GALNT18: variants seen among roughly 807,000 people sequenced by gnomAD.
GALNT18 encodes GalNAc-transferase 18.
Under a neutral mutation model 69.5 loss-of-function variants are expected in GALNT18, and 44 were observed. That is an observed-to-expected ratio of 0.63 (90% CI 0.50 to 0.81). GALNT18 has a LOEUF of 0.81. Among genes scored for constraint, GALNT18 ranks in the 40% least tolerant of loss-of-function variants. GALNT18 has a pLI of 0.00. For synonymous variants in GALNT18, 364 were observed against 318.2 expected (o/e 1.14, Z -1.53); for missense variants, 715 against 810.0 (o/e 0.88, Z 1.42).
In GALNT18 at chr11:11,618,410, G is replaced by GT. The variant is rs565569449; in HGVS notation, c.235+2948dup. ...TGTCCTGCATGTTCAGTAAACATTAGTTAAAGGACTGGAACCTCTGCCTCT... is the reference window on the plus strand; with the variant it reads ...TGTCCTGCATGTTCAGTAAACATTAGTTTAAAGGACTGGAACCTCTGCCTCT... On this transcript the variant is annotated intron_variant, in intron 1 of 10. Coordinates refer to ENST00000227756, the MANE Select transcript of GALNT18 (RefSeq NM_198516.3). This position sits in a 1 kb window ranked among gnomAD's most constrained non-coding sequence, Gnocchi z 6.1. Among the ~76,000 whole-genome samples, 17 of 152,352 alleles carry GT rather than the reference G, an allele frequency of 1.1e-4. No homozygotes were observed. In the East Asian group the frequency reaches 3.3e-3, roughly 29 times the overall value.
chr11:11,498,742 T>G (rs1026420592), intron 1 of GALNT18, among the ~76,000 whole-genome samples: 4 of 152,046 alleles, frequency 2.6e-5, no homozygotes, highest in Non-Finnish European at 5.9e-5. Flanking sequence ...GAGGTTGCAA[T>G]GAGCCAAGAT....
At chr11:11,363,539 T>C (rs1589939346) in intron 6 of GALNT18, among the ~76,000 whole-genome samples, 1 of 152,326 alleles carries the variant, frequency 6.6e-6, no homozygotes, top group East Asian at 1.9e-4. Flanking sequence ...ACCTATGTTG[T>C]TGTCATTAAG....
chr11:11,348,244 G>T lies in GALNT18; in HGVS notation c.1093-7240C>A, dbSNP rs530557918. 8.5e-5 allele frequency among the ~76,000 whole-genome samples: 13 copies of T among 152,208 alleles called. No homozygotes were observed. In the South Asian group the frequency reaches 2.5e-3, roughly 29 times the overall value. On this transcript the variant is annotated intron_variant, in intron 6 of 10. Coordinates refer to ENST00000227756, the MANE Select transcript of GALNT18 (RefSeq NM_198516.3). ...AATACAAAAATTAGCTGGGCATGGT[G>T]GCGGGTGCCTGTAATCCCAGCTACT... is the stretch of plus-strand genomic sequence containing the variant.
chr11:11,280,437 T>C (rs963180632), intron 10 of GALNT18, among the ~76,000 whole-genome samples: 1 of 151,746 alleles, frequency 6.6e-6, no homozygotes, highest in South Asian at 2.1e-4. Context: ...CCCTCCCAAA[T>C]ATGCAGTCTT....
chr11:11,290,048 G>GCTA, intron 10 of GALNT18, among the ~76,000 whole-genome samples: 1 of 152,018 alleles, frequency 6.6e-6, no homozygotes, highest in Middle Eastern at 3.4e-3. Context: ...GCCTCCAGGG[G>GCTA]CTACTCCAAG....
chr11:11,537,152 C>T (rs1429700862), intron 1 of GALNT18, among the ~76,000 whole-genome samples: 1 of 152,192 alleles, frequency 6.6e-6, no homozygotes, highest in African/African-American at 2.4e-5. Context: ...TGCTGTTAGT[C>T]CTGTTCCAAA....
At chr11:11,442,182 C>T (rs1008112891) in intron 2 of GALNT18, among the ~76,000 whole-genome samples, 4 of 152,166 alleles carry the variant, frequency 2.6e-5, no homozygotes, top group Admixed American at 1.3e-4. Context: ...TAACTGTCTC[C>T]TATCTTCAAA....
intron 1 of GALNT18, among the ~76,000 whole-genome samples, chr11:11,490,229 T>A (rs868096720): frequency 0.19 from 12,720 of 67,694 alleles, 742 homozygotes; most frequent in Non-Finnish European, 0.24. Context: ...TCTCTCTCTC[T>A]CTCTAACACA....
rs184328252 is a variant in GALNT18 at position 11,353,493 on chromosome 11, C to T, written c.1093-12489G>A. 7.7e-4 allele frequency: 260 copies of T among 338,216 alleles called. 1 individual carries two copies. Among genetic ancestry groups the T allele is most frequent in the South Asian group, 5.8e-3 (98 of 17,030 alleles). The allele number at this position is 338,216 out of a possible 1,614,324, so 21.0% of individuals were successfully genotyped here. A position where few individuals can be genotyped will look rare whatever the true frequency, so the allele number is the denominator to read the frequency against. On this transcript the variant is annotated intron_variant, in intron 6 of 10. Transcript: ENST00000227756. ...TGTGCTATCCAGCTGCTATTCAAAG[C>T]ACATCTCCTGGACCATGTTTAATTT...
chr11:11,560,837 C>T (rs575237620), intron 1 of GALNT18, among the ~76,000 whole-genome samples: 13 of 152,310 alleles, frequency 8.5e-5, no homozygotes, highest in East Asian at 1.9e-4. Context: ...TTTGAGGAAT[C>T]GCTCTTCTAG....
chr11:11,466,934 G>A (rs1856166847), intron 1 of GALNT18, among the ~76,000 whole-genome samples: 1 of 152,214 alleles, frequency 6.6e-6, no homozygotes, highest in African/African-American at 2.4e-5. Context: ...TGGCTTATGT[G>A]CAATTTCTAG....
Position 11,309,098 on chromosome 11 carries a change from C to T in GALNT18, c.1513-15905G>A, listed in dbSNP as rs1046477942. 6.6e-6 allele frequency among the ~76,000 whole-genome samples: 1 copy of T among 151,800 alleles called. No individual in the cohort carries two copies. The highest frequency in any genetic ancestry group is 1.5e-5 in the Non-Finnish European group (1 of 67,916). ...GTGTTTGGATCACTGGAGCACTGCC[C>T]TCATGAATGGATTAGTGCCATCATC... On this transcript the variant is annotated intron_variant, in intron 9 of 10. Transcript: ENST00000227756. This position sits in a 1 kb window ranked among gnomAD's most constrained non-coding sequence, Gnocchi z 4.6.
chr11:11,603,002 ATAAC>A lies in GALNT18; in HGVS notation c.235+18353_235+18356del, dbSNP rs936094189. 5.9e-5 allele frequency among the ~76,000 whole-genome samples: 9 copies of A among 152,248 alleles called. No homozygotes were observed. The highest frequency in any genetic ancestry group is 2.2e-4 in the African/African-American group (9 of 41,464). On this transcript the variant is annotated intron_variant, in intron 1 of 10. Coordinates refer to ENST00000227756, the MANE Select transcript of GALNT18 (RefSeq NM_198516.3). This position sits in a 1 kb window ranked among gnomAD's most constrained non-coding sequence, Gnocchi z 4.5. ...AATATTTAAAATTGGGTTGTCCCAT[ATAAC>A]CTGAGAATATTAAATTGCTAAAAAC...
intron 9 of GALNT18, among the ~76,000 whole-genome samples, chr11:11,305,316 G>A (rs907040293): frequency 1.3e-4 from 20 of 152,218 alleles, no homozygotes; most frequent in African/African-American, 4.6e-4. Context: ...CAGACACGCA[G>A]TAGGGCCCAG....
chr11:11,577,938 A>G (rs2133901789), intron 1 of GALNT18, among the ~76,000 whole-genome samples: 1 of 152,358 alleles, frequency 6.6e-6, no homozygotes, highest in South Asian at 2.1e-4. Context: ...AAGGGCAAGA[A>G]GCAATTTGAT....
In GALNT18 at chr11:11,382,875, C is replaced by T. The variant is rs1853954246; in HGVS notation, c.596-3611G>A. Reference sequence around the variant, plus strand: ...GGTATATTTTGTGCTTGTTTTAATGCGTTGGAGAAAGAGGAGGCAGGGAGT... The same window carrying T: ...GGTATATTTTGTGCTTGTTTTAATGTGTTGGAGAAAGAGGAGGCAGGGAGT... On this transcript the variant is annotated intron_variant, in intron 3 of 10. Coordinates refer to ENST00000227756, the MANE Select transcript of GALNT18 (RefSeq NM_198516.3). The surrounding 1 kb of genome is among the most constrained non-coding windows in gnomAD (Gnocchi z 4.3). Among the ~76,000 whole-genome samples, 1 of 152,010 alleles carries T rather than the reference C, an allele frequency of 6.6e-6. No individual in the cohort carries two copies. Among genetic ancestry groups the T allele is most frequent in the South Asian group, 2.1e-4 (1 of 4,798 alleles).
Position 11,375,100 on chromosome 11 carries a change from T to C in GALNT18, c.977+2082A>G, listed in dbSNP as rs1465021050. On this transcript the variant is annotated intron_variant, in intron 5 of 10. Coordinates refer to ENST00000227756, the MANE Select transcript of GALNT18 (RefSeq NM_198516.3). ...CGATCACAAAGACATCCCTTTAGAA[T>C]ACACCAGAAGATATTGCTGGGCTCT... is the stretch of plus-strand genomic sequence containing the variant. Among the ~76,000 whole-genome samples, 7 of 152,238 alleles carry C rather than the reference T, an allele frequency of 4.6e-5. No individual in the cohort carries two copies. The East Asian group carries it at 1.3e-3, about 29-fold the overall frequency.
chr11:11,368,271 T>C (rs1385672685), intron 6 of GALNT18, among the ~76,000 whole-genome samples: 1 of 152,256 alleles, frequency 6.6e-6, no homozygotes, highest in Admixed American at 6.5e-5. Context: ...AGTTCCTCTA[T>C]GGTATATCTA....
intron 1 of GALNT18, among the ~76,000 whole-genome samples, chr11:11,589,543 T>C (rs1859304084): frequency 6.6e-6 from 1 of 151,602 alleles, no homozygotes; most frequent in African/African-American, 2.4e-5. Flanking sequence ...AGCTCCATAC[T>C]CATAAGAGCT....
Sources: allele counts gnomAD v4.1 joint callset (sites outside exome capture counted in the v4.1 genomes callset), GRCh38; gene constraint gnomAD v4.1.1; non-coding constraint Gnocchi (gnomAD v3.1); transcripts MANE v1.5; gene names NCBI Gene and HGNC (gene_info 2026-07-23, HGNC 2026-07-21).